Variants in GFM2 observed in about 807,000 individuals in gnomAD.
The protein encoded by GFM2 is ribosome-releasing factor 2, mitochondrial.
GFM2 carries 72 observed loss-of-function variants against 95.4 expected under a neutral mutation model. The ratio of observed to expected loss-of-function variants is 0.76; its 90% confidence interval spans 0.62 to 0.92. The LOEUF (loss-of-function observed/expected upper bound fraction) is 0.92. GFM2 is among the 40% of genes least tolerant of loss of function. The pLI is 0.00. For synonymous variants in GFM2, 276 were observed against 317.5 expected (o/e 0.87, Z 1.39); for missense variants, 825 against 924.1 (o/e 0.89, Z 1.39).
chr5:74,725,483 AAT>A (rs2112210291), intron 19 of GFM2, among the ~76,000 whole-genome samples, 155 bp downstream of exon 19: 1 of 152,320 alleles, frequency 6.6e-6, no homozygotes, highest in East Asian at 1.9e-4. Flanking sequence ...GTGATTAAGA[AAT>A]CAGAGATTCT....
At chr5:74,764,459 A>T (rs1054726875) in intron 1 of GFM2, among the ~76,000 whole-genome samples, 2 of 152,186 alleles carry the variant, frequency 1.3e-5, no homozygotes, top group African/African-American at 4.8e-5. Flanking sequence ...GCAGCCCAAC[A>T]TAAATTCGTA....
At chr5:74,755,180 G>A (rs1743918803) in intron 5 of GFM2, among the ~76,000 whole-genome samples, 1 of 151,930 alleles carries the variant, frequency 6.6e-6, no homozygotes, top group South Asian at 2.1e-4. Context: ...AAAAACTGAA[G>A]AATATATATT....
At chr5:74,754,576 A>G (rs1227209328) in intron 5 of GFM2, among the ~76,000 whole-genome samples, 56 of 151,610 alleles carry the variant, frequency 3.7e-4, no homozygotes, top group Admixed American at 3.6e-3. Flanking sequence ...TATATCAGAC[A>G]AAACAATCTT....
chr5:74,736,850 G>A lies in GFM2; in HGVS notation c.1456C>T (p.Pro486Ser), dbSNP rs773135306. 1 of 1,613,880 alleles carries A rather than the reference G, an allele frequency of 6.2e-7. No homozygotes were observed. Among genetic ancestry groups the A allele is most frequent in the African/African-American group, 1.3e-5 (1 of 74,996 alleles). The change falls in exon 15 of 21, where the codon CCA becomes TCA. Residue 486 changes from proline (P) to serine (S), a missense_variant. By Grantham distance (74) the Pro-to-Ser change is moderately conservative. Coordinates refer to ENST00000296805, the MANE Select transcript of GFM2 (RefSeq NM_032380.5). ...ERLLLAGVEI[P>S]EPVFFCTIEP... ...ATGGTACAGAAGAAAACAGGTTCTG[G>A]AATCTCCACTCCAGCCAATAAAAGT...
At position 74,722,274 on chromosome 5, in the gene GFM2, A is replaced by G. The variant is rs528813726; in HGVS notation, c.2211+105T>C. On this transcript the variant is annotated intron_variant, in intron 20 of 20. Coordinates refer to ENST00000296805, the MANE Select transcript of GFM2 (RefSeq NM_032380.5). ...ACGAAACTTAACATGTATTCTCTAAATCAAAGCCTTAATGTTTCTTTCAGG... is the reference window on the plus strand; with the variant it reads ...ACGAAACTTAACATGTATTCTCTAAGTCAAAGCCTTAATGTTTCTTTCAGG... 121 of 937,014 alleles carry G rather than the reference A, an allele frequency of 1.3e-4. 3 individuals carry two copies. The South Asian group carries it at 1.8e-3, about 14-fold the overall frequency. The allele number at this position is 937,014 out of a possible 1,614,324, so 58.0% of individuals were successfully genotyped here.
In GFM2 at chr5:74,721,309, T is replaced by C; in HGVS notation, c.*346A>G. 1 of 829,334 alleles carries C rather than the reference T, an allele frequency of 1.2e-6. No homozygotes were observed. Among genetic ancestry groups the C allele is most frequent in the Non-Finnish European group, 2.0e-6 (1 of 488,176 alleles). The allele number at this position is 829,334 out of a possible 1,614,324, so 51.4% of individuals were successfully genotyped here. ...TTGAACCTTTGACCCTCTATCTTAT[T>C]ACATTTAGAGGCCTGGCATCTTTCT... On this transcript the variant is annotated 3_prime_UTR_variant, in exon 21 of 21. Coordinates refer to ENST00000296805, the MANE Select transcript of GFM2 (RefSeq NM_032380.5).
intron 2 of GFM2, among the ~76,000 whole-genome samples, chr5:74,762,184 G>GCAA (rs1318743814): frequency 6.6e-6 from 1 of 152,074 alleles, no homozygotes; most frequent in Admixed American, 6.6e-5. Context: ...AGGCTTCTTA[G>GCAA]CAACAACAAC....
intron 19 of GFM2, among the ~76,000 whole-genome samples, chr5:74,722,951 T>G (rs1413401872): frequency 6.6e-6 from 1 of 151,978 alleles, no homozygotes; most frequent in Non-Finnish European, 1.5e-5. Context: ...AAGGAAAAAT[T>G]TAGTGCAATA....
At chr5:74,748,345 G>C (rs537589755) in intron 7 of GFM2, among the ~76,000 whole-genome samples, 5 of 152,124 alleles carry the variant, frequency 3.3e-5, no homozygotes, top group African/African-American at 4.8e-5. Context: ...AAGTACGTTT[G>C]TGTAACTACT....
At chr5:74,726,204 A>C in intron 17 of GFM2, 78 bp from the exon 18 acceptor site, 1 of 952,466 alleles carries the variant, frequency 1.0e-6, no homozygotes, top group Non-Finnish European at 1.6e-6. Flanking sequence ...CAAAATTATC[A>C]TCAACAAGCT....
At chr5:74,723,059 T>A (rs2112200702) in intron 19 of GFM2, among the ~76,000 whole-genome samples, 1 of 152,272 alleles carries the variant, frequency 6.6e-6, no homozygotes, top group Non-Finnish European at 1.5e-5. Context: ...ACTGAAAATG[T>A]CTTTCAGAAT....
intron 2 of GFM2, among the ~76,000 whole-genome samples, chr5:74,763,203 C>T (rs1449312319): frequency 6.6e-6 from 1 of 152,180 alleles, no homozygotes; most frequent in Non-Finnish European, 1.5e-5. Flanking sequence ...TATCAGACTG[C>T]CGAAGAAGCT....
chr5:74,764,665 C>A (rs1407337030), intron 1 of GFM2, among the ~76,000 whole-genome samples: 1 of 151,982 alleles, frequency 6.6e-6, no homozygotes. Context: ...ATTACTACTC[C>A]TAAGTCTGTT....
chr5:74,735,922 A>G (rs1042368907), intron 15 of GFM2, among the ~76,000 whole-genome samples: 1 of 152,210 alleles, frequency 6.6e-6, no homozygotes, highest in African/African-American at 2.4e-5. Context: ...ACTTCCTTGC[A>G]ACAGGCTGCC....
intron 7 of GFM2, among the ~76,000 whole-genome samples, chr5:74,748,909 TAAAAA>T (rs759323836): frequency 0.11 from 12,511 of 112,554 alleles, 688 homozygotes; most frequent in Non-Finnish European, 0.14. Context: ...TAAAATAAAA[TAAAAA>T]AATAAAAAAA....
At chr5:74,739,786 C>T (rs1472109959) in intron 12 of GFM2, among the ~76,000 whole-genome samples, 1 of 152,110 alleles carries the variant, frequency 6.6e-6, no homozygotes, top group Non-Finnish European at 1.5e-5. Flanking sequence ...TACCTCTTAG[C>T]TCTATGTGTA....
At chr5:74,754,241 A>G (rs914507131) in intron 5 of GFM2, among the ~76,000 whole-genome samples, 1 of 152,006 alleles carries the variant, frequency 6.6e-6, no homozygotes, top group South Asian at 2.1e-4. Flanking sequence ...AATCCTCAAA[A>G]TACACCAAAA....
intron 6 of GFM2, 24 bp from the exon 7 acceptor site, chr5:74,750,691 A>G (rs975662385): frequency 6.4e-7 from 1 of 1,551,434 alleles, no homozygotes; most frequent in Admixed American, 1.7e-5. Context: ...AAGACGTATA[A>G]TGCCTTCTTT....
At chr5:74,742,157 G>A (rs538138018) in intron 10 of GFM2, among the ~76,000 whole-genome samples, 2 of 151,852 alleles carry the variant, frequency 1.3e-5, no homozygotes, top group South Asian at 4.2e-4. Context: ...TTCTTTTCAT[G>A]ACCATCCGAC....
Sources: gnomAD v4.1 joint callset for allele counts (sites outside exome capture counted in the v4.1 genomes callset) on GRCh38, gnomAD v4.1.1 for gene constraint, MANE v1.5 for transcripts, NCBI Gene and HGNC (gene_info 2026-07-23, HGNC 2026-07-21) for gene names.